WNT3A: variants seen among roughly 807,000 people sequenced by gnomAD.
WNT3A encodes Wnt family member 3A, also known as protein Wnt-3a.
In WNT3A, 17 loss-of-function variants were observed where a neutral mutation model predicts 37.0. That is an observed-to-expected ratio of 0.46 (90% confidence interval 0.31 to 0.69). The LOEUF is 0.69. Ranked by LOEUF, WNT3A falls within the 30% of genes least tolerant of loss-of-function variation. The pLI, the probability that WNT3A is intolerant of heterozygous loss-of-function variation, is 0.05. For missense variants in WNT3A, 411 were observed against 510.2 expected (o/e 0.81, Z 1.87); for synonymous variants, 187 against 211.0 (o/e 0.89, Z 0.99).
intron 1 of WNT3A, among the ~76,000 whole-genome samples, chr1:228,011,546 A>T (rs529104871): frequency 2.1e-4 from 31 of 149,522 alleles, no homozygotes; most frequent in Admixed American, 8.6e-4. Context: ...TCTTCCCTGT[A>T]TCTGTCTCTG....
intron 2 of WNT3A, among the ~76,000 whole-genome samples, chr1:228,046,106 A>G (rs2031397939): frequency 6.6e-6 from 1 of 152,222 alleles, no homozygotes; most frequent in Non-Finnish European, 1.5e-5. Flanking sequence ...AACCGGAAAG[A>G]GCCCGAGGGG....
chr1:228,055,172 AAAAAAAAATATAT>A (rs1380885621), intron 3 of WNT3A, among the ~76,000 whole-genome samples: 3 of 71,444 alleles, frequency 4.2e-5, no homozygotes, highest in African/African-American at 1.3e-4. Context: ...AAAAAAAAAA[AAAAAAAAATATAT>A]ATATATATAT....
chr1:228,060,148 G>C lies in WNT3A; in HGVS notation c.*683G>C, dbSNP rs146171382. The C allele has an allele frequency of 9.0e-4, 1,210 of 1,346,626 alleles. 7 individuals are homozygous for C. The African/African-American group carries it at 0.016, about 18-fold the overall frequency. The allele number at this position is 1,346,626 out of a possible 1,614,324, so 83.4% of individuals were successfully genotyped here. A position where few individuals can be genotyped will look rare whatever the true frequency, so the allele number is the denominator to read the frequency against. ...CCAATGGGGCGGGGCTTCTCTCCGC[G>C]GGTGGGACTCTTCCCTGGGAACCGC... On this transcript the variant is annotated 3_prime_UTR_variant, in exon 4 of 4. Transcript: ENST00000284523.
At chr1:228,015,114 A>G (rs893354743) in intron 1 of WNT3A, among the ~76,000 whole-genome samples, 1 of 152,240 alleles carries the variant, frequency 6.6e-6, no homozygotes, top group African/African-American at 2.4e-5. Context: ...TTGTTTTTCT[A>G]AGGATAGAAA....
intron 3 of WNT3A, 109 bp from the exon 4 acceptor site, chr1:228,058,877 C>G: frequency 8.7e-7 from 1 of 1,152,636 alleles, no homozygotes; most frequent in Non-Finnish European, 1.2e-6. Context: ...GCCCCCTCTG[C>G]CCGGGGGCTT....
At chr1:228,020,476 G>A (rs1251063784) in intron 1 of WNT3A, among the ~76,000 whole-genome samples, 2 of 152,204 alleles carry the variant, frequency 1.3e-5, no homozygotes, top group Non-Finnish European at 2.9e-5. Context: ...ACTTGGCCCT[G>A]GGCAGTGGCA....
intron 2 of WNT3A, among the ~76,000 whole-genome samples, chr1:228,043,826 A>T (rs1312415530): frequency 6.6e-6 from 1 of 152,052 alleles, no homozygotes; most frequent in Non-Finnish European, 1.5e-5. Context: ...CTATTTTGGG[A>T]GGGTAGTGAA....
At position 228,042,266 on chromosome 1, in the gene WNT3A, C is replaced by T. The variant is rs994203447; in HGVS notation, c.314-8390C>T. On this transcript the variant is annotated intron_variant, in intron 2 of 3. Coordinates refer to ENST00000284523, the MANE Select transcript of WNT3A (RefSeq NM_033131.4). The surrounding 1 kb of genome is among the most constrained non-coding windows in gnomAD (Gnocchi z 5.2). The stretch of plus-strand genomic sequence containing the variant: ...TGCTGGGATTACAGCTGTGAGCCAC[C>T]GCGCCCAGCCTCTGGAGGATTTTTT... 1.4e-4 allele frequency among the ~76,000 whole-genome samples: 22 copies of T among 152,222 alleles called. No individual in the cohort carries two copies. Among genetic ancestry groups the T allele is most frequent in the African/African-American group, 4.3e-4 (18 of 41,526 alleles).
chr1:228,048,685 C>A (rs1571812554), intron 2 of WNT3A, among the ~76,000 whole-genome samples: 1 of 152,192 alleles, frequency 6.6e-6, no homozygotes, highest in East Asian at 1.9e-4. Context: ...CTGCCTCAGC[C>A]TCCTGAGTAG....
intron 1 of WNT3A, among the ~76,000 whole-genome samples, chr1:228,019,121 A>T (rs1197467859): frequency 5.9e-5 from 9 of 152,190 alleles, no homozygotes; most frequent in African/African-American, 1.9e-4. Flanking sequence ...GAGGAGGGTG[A>T]GAGGGGCACA....
At chr1:228,013,422 G>A (rs777805888) in intron 1 of WNT3A, among the ~76,000 whole-genome samples, 27 of 152,300 alleles carry the variant, frequency 1.8e-4, no homozygotes, top group African/African-American at 6.0e-4. Context: ...TTCCTTCCCC[G>A]GCAAAACGTG....
Position 228,059,255 on chromosome 1 carries a change from C to A in WNT3A, c.849C>A (p.Pro283=). ...AGGCCTCGCCCAACTTCTGCGAGCCCAACCCTGAGACGGGCTCCTTCGGCA... is the reference window on the plus strand; with the variant it reads ...AGGCCTCGCCCAACTTCTGCGAGCCAAACCCTGAGACGGGCTCCTTCGGCA... ...YYEASPNFCE[P]NPETGSFGTR... Residue 283 remains proline (P), a synonymous_variant, in exon 4 of 4, where the codon CCC becomes CCA. Transcript: ENST00000284523. The A allele has an allele frequency of 6.2e-7, 1 of 1,607,610 alleles. No homozygotes were observed. The highest frequency in any genetic ancestry group is 8.5e-7 in the Non-Finnish European group (1 of 1,179,142).
chr1:228,009,913 A>G (rs2030321215), intron 1 of WNT3A, among the ~76,000 whole-genome samples: 1 of 152,118 alleles, frequency 6.6e-6, no homozygotes, highest in African/African-American at 2.4e-5. Flanking sequence ...TGAAATGCAG[A>G]GAGACGGGCC....
intron 1 of WNT3A, among the ~76,000 whole-genome samples, chr1:228,017,612 C>T (rs927528320): frequency 2.0e-5 from 3 of 152,146 alleles, no homozygotes; most frequent in Non-Finnish European, 4.4e-5. Flanking sequence ...ACTTGGGAGG[C>T]TGAGGCTAAG....
chr1:228,027,556 T>C (rs975119304), intron 2 of WNT3A, among the ~76,000 whole-genome samples: 1 of 152,254 alleles, frequency 6.6e-6, no homozygotes, highest in Non-Finnish European at 1.5e-5. Context: ...CTATGTTTTT[T>C]GGCCATTTGT....
intron 3 of WNT3A, among the ~76,000 whole-genome samples, 198 bp downstream of exon 3, chr1:228,051,119 G>A (rs1311903669): frequency 3.3e-5 from 5 of 152,184 alleles, no homozygotes; most frequent in East Asian, 1.9e-4. Context: ...TGGGGATGGC[G>A]AGCCCACCTG....
rs958214044 is a variant in WNT3A, at chr1:228,048,263, G to A, written c.314-2393G>A. Among the ~76,000 whole-genome samples the A allele has an allele frequency of 3.9e-5, 6 of 152,334 alleles. No homozygotes were observed. The South Asian group carries it at 1.2e-3, about 32-fold the overall frequency. On this transcript the variant is annotated intron_variant, in intron 2 of 3. Transcript: ENST00000284523. Reference sequence around the variant, plus strand: ...TCCTGCTCTCCCAGGGCCTCGAGGGGAGAGAGAAGGTCAGAGCCAAGGAAA... The same window carrying A: ...TCCTGCTCTCCCAGGGCCTCGAGGGAAGAGAGAAGGTCAGAGCCAAGGAAA...
Position 228,039,503 on chromosome 1 carries a change from G to C in WNT3A, c.314-11153G>C, listed in dbSNP as rs1213348473. 6.6e-6 allele frequency among the ~76,000 whole-genome samples: 1 copy of C among 152,144 alleles called. No homozygotes were observed. The highest frequency in any genetic ancestry group is 2.4e-5 in the African/African-American group (1 of 41,430). On this transcript the variant is annotated intron_variant, in intron 2 of 3. Transcript: ENST00000284523. The surrounding 1 kb of genome is among the most constrained non-coding windows in gnomAD (Gnocchi z 4.1). ...CTTCTCCTGGCAGGCTCCTGTTCAGGGTCTTGTCCAGGGTCCCATAGAGCC... is the reference window on the plus strand; with the variant it reads ...CTTCTCCTGGCAGGCTCCTGTTCAGCGTCTTGTCCAGGGTCCCATAGAGCC...
chr1:228,007,813 C>T lies in WNT3A; in HGVS notation c.71+614C>T, dbSNP rs1214876618. Among the ~76,000 whole-genome samples the T allele has an allele frequency of 6.6e-6, 1 of 152,090 alleles. No individual in the cohort carries two copies. The highest frequency in any genetic ancestry group is 2.4e-5 in the African/African-American group (1 of 41,432). On this transcript the variant is annotated intron_variant, in intron 1 of 3. Coordinates refer to ENST00000284523, the MANE Select transcript of WNT3A (RefSeq NM_033131.4). This position sits in a 1 kb window ranked among gnomAD's most constrained non-coding sequence, Gnocchi z 6.0. Reference sequence around the variant, plus strand: ...TCCGGGCACGGGGGTTTCCAGGGGCCCTCTCTGCGAGCCCTCCGCATGGGT... The same window carrying T: ...TCCGGGCACGGGGGTTTCCAGGGGCTCTCTCTGCGAGCCCTCCGCATGGGT...
Sources: gnomAD v4.1 joint callset for allele counts (sites outside exome capture counted in the v4.1 genomes callset) on GRCh38, gnomAD v4.1.1 for gene constraint, Gnocchi (gnomAD v3.1) non-coding constraint, MANE v1.5 for transcripts, NCBI Gene and HGNC (gene_info 2026-07-23, HGNC 2026-07-21) for gene names.